USH2A: variants seen among roughly 807,000 people sequenced by gnomAD.
The protein encoded by USH2A is Usher syndrome 2A (autosomal recessive, mild).
In USH2A, 443 loss-of-function variants were observed where a neutral mutation model predicts 538.9. That is an observed-to-expected ratio of 0.82 (90% CI 0.76 to 0.89). USH2A has a LOEUF of 0.89. Among genes scored for constraint, USH2A ranks in the 40% least tolerant of loss-of-function variants. USH2A has a pLI of 0.00. For synonymous variants in USH2A, 2,413 were observed against 2,273.5 expected (o/e 1.06, Z -1.75); for missense variants, 6,633 against 6,324.8 (o/e 1.05, Z -1.65).
intron 38 of USH2A, among the ~76,000 whole-genome samples, chr1:215,904,371 G>T (rs1486547715): frequency 6.6e-6 from 1 of 151,946 alleles, no homozygotes; most frequent in African/African-American, 2.4e-5. Flanking sequence ...CACTAAATTG[G>T]TACACTTTGA....
intron 24 of USH2A, 128 bp from the exon 25 acceptor site, chr1:216,085,005 T>C: frequency 1.2e-6 from 1 of 846,058 alleles, no homozygotes; most frequent in Non-Finnish European, 1.9e-6. Flanking sequence ...GCAAGCCTCT[T>C]AATGATTCAT....
At position 216,247,361 on chromosome 1, in the gene USH2A, G is replaced by A. The variant is rs2036073267; in HGVS notation, c.2168-135C>T. ...TTTTCTCACAAGCAATGCCATAGGG[G>A]GCCAATCTTACTCTCAAAATTCAAT... On this transcript the variant is annotated intron_variant, in intron 12 of 71. Transcript: ENST00000307340. The A allele has an allele frequency of 2.9e-6, 3 of 1,040,466 alleles. No homozygotes were observed. In the Admixed American group the frequency reaches 6.8e-5, roughly 24 times the overall value. The allele number at this position is 1,040,466 out of a possible 1,614,324, so 64.5% of individuals were successfully genotyped here.
At chr1:216,318,029 G>A (rs1239359426) in intron 9 of USH2A, among the ~76,000 whole-genome samples, 1 of 152,074 alleles carries the variant, frequency 6.6e-6, no homozygotes, top group Non-Finnish European at 1.5e-5. Flanking sequence ...CCTTAGGATG[G>A]CTAAATATGT....
rs2102713765 is a variant in USH2A, at chr1:215,728,331, G to T, written c.11765C>A (p.Ala3922Asp). The change falls in exon 61 of 72, where the codon GCC (alanine) becomes GAC (aspartate). Residue 3922 changes from alanine to aspartate, a missense_variant. Physicochemically the swap from Ala to Asp is moderately radical, Grantham distance 126 (BLOSUM62 -2). Coordinates refer to ENST00000307340, the MANE Select transcript of USH2A (RefSeq NM_206933.4). ...ESVLFVWSEG[A>D]LEFMDEGDTL... ...GTCTCCTTCATCCATAAATTCAAGGGCTCCTTCTGACCAGACAAATAAAAC... is the reference window on the plus strand; with the variant it reads ...GTCTCCTTCATCCATAAATTCAAGGTCTCCTTCTGACCAGACAAATAAAAC... The T allele has an allele frequency of 2.5e-6, 4 of 1,614,132 alleles. No homozygotes were observed. Among genetic ancestry groups the T allele is most frequent in the Non-Finnish European group, 1.7e-6 (2 of 1,180,024 alleles).
intron 32 of USH2A, among the ~76,000 whole-genome samples, chr1:216,030,260 T>A (rs1397841316): frequency 4.3e-5 from 6 of 138,404 alleles, no homozygotes; most frequent in Admixed American, 3.8e-4. Flanking sequence ...ATAATATATA[T>A]GATATATAGA....
chr1:216,229,570 C>T (rs114296753), intron 14 of USH2A, among the ~76,000 whole-genome samples: 166 of 152,294 alleles, frequency 1.1e-3, no homozygotes, highest in African/African-American at 3.7e-3. Flanking sequence ...TCACCTTAGC[C>T]TCCCAAAGTG....
At chr1:215,985,221 T>G (rs1194434983) in intron 35 of USH2A, among the ~76,000 whole-genome samples, 2 of 152,140 alleles carry the variant, frequency 1.3e-5, no homozygotes, top group African/African-American at 4.8e-5. Context: ...GAAAATCAAA[T>G]GAAATATCAA....
intron 61 of USH2A, among the ~76,000 whole-genome samples, chr1:215,710,656 A>G (rs2102697939): frequency 6.6e-6 from 1 of 152,234 alleles, no homozygotes; most frequent in South Asian, 2.1e-4. Context: ...AGACACTAAA[A>G]GCATCATTTC....
chr1:215,823,905 G>A (rs932463449), intron 47 of USH2A, among the ~76,000 whole-genome samples: 1 of 151,738 alleles, frequency 6.6e-6, no homozygotes, highest in Non-Finnish European at 1.5e-5. Flanking sequence ...TAATCTCTTT[G>A]TTAAATCTGT....
rs926337280 is a variant in USH2A, at chr1:215,798,652, G to A, written c.9958+255C>T. 1.2e-4 allele frequency among the ~76,000 whole-genome samples: 19 copies of A among 152,204 alleles called. No individual in the cohort carries two copies. In the South Asian group the frequency reaches 1.9e-3, roughly 15 times the overall value. ...TTTCATTCATAACCAATGCATTCAT[G>A]TGTGGAATTTTTTTTGGAGGACATG... On this transcript the variant is annotated intron_variant, in intron 50 of 71. Coordinates refer to ENST00000307340, the MANE Select transcript of USH2A (RefSeq NM_206933.4).
chr1:215,809,171 A>G (rs1167626014), intron 49 of USH2A, among the ~76,000 whole-genome samples: 1 of 152,182 alleles, frequency 6.6e-6, no homozygotes, highest in Non-Finnish European at 1.5e-5. Flanking sequence ...TCTGAAATGT[A>G]GTTGCCATAT....
chr1:215,996,830 A>G (rs920006519), intron 34 of USH2A, among the ~76,000 whole-genome samples: 1 of 152,064 alleles, frequency 6.6e-6, no homozygotes, highest in Admixed American at 6.6e-5. Context: ...ATCCAGTCAA[A>G]TGTGAAAACT....
intron 30 of USH2A, among the ~76,000 whole-genome samples, chr1:216,049,762 G>T (rs2030676353): frequency 6.6e-6 from 1 of 152,088 alleles, no homozygotes; most frequent in Admixed American, 6.5e-5. Context: ...ATGGAGCAAA[G>T]ACCAGTTCTT....
rs1178891760 is a variant in USH2A at position 216,325,370 on chromosome 1, T to C, written c.1078A>G (p.Thr360Ala). The C allele has an allele frequency of 6.2e-7, 1 of 1,613,934 alleles. No homozygotes were observed. The highest frequency in any genetic ancestry group is 1.1e-5 in the South Asian group (1 of 91,080). ...VGTSWVSNVFTNITQLNQGVT... is the reference protein window; with the variant it reads ...VGTSWVSNVFANITQLNQGVT... ...CCTTGATTAAGCTGTGTAATGTTTGTAAACACATTTGAAACCCATGAAGTA... is the reference window on the plus strand; with the variant it reads ...CCTTGATTAAGCTGTGTAATGTTTGCAAACACATTTGAAACCCATGAAGTA... The change falls in exon 6 of 72, where the codon ACA (threonine) becomes GCA (alanine). Residue 360 changes from threonine to alanine, a missense_variant. By Grantham distance (58) the Thr-to-Ala change is moderately conservative (BLOSUM62 0). Coordinates refer to ENST00000307340, the MANE Select transcript of USH2A (RefSeq NM_206933.4).
At chr1:215,796,864 C>T (rs11120634) in intron 50 of USH2A, among the ~76,000 whole-genome samples, 101,989 of 152,036 alleles carry the variant, frequency 0.67, 34,311 homozygotes, top group Admixed American at 0.71. Flanking sequence ...GCTCCTCTTC[C>T]TCCCACACCT....
At chr1:215,832,711 T>C (rs1663359374) in intron 47 of USH2A, among the ~76,000 whole-genome samples, 1 of 151,914 alleles carries the variant, frequency 6.6e-6, no homozygotes, top group Non-Finnish European at 1.5e-5. Context: ...GATATGCTCT[T>C]ATCACGTTAT....
At chr1:215,673,010 A>G (rs942949382) in intron 63 of USH2A, among the ~76,000 whole-genome samples, 80 of 152,356 alleles carry the variant, frequency 5.3e-4, no homozygotes, top group African/African-American at 1.8e-3. Context: ...AGGTACAGTC[A>G]GGTAAAGAGG....
intron 32 of USH2A, among the ~76,000 whole-genome samples, chr1:216,018,202 G>A (rs950683143): frequency 1.3e-5 from 2 of 152,148 alleles, no homozygotes; most frequent in African/African-American, 4.8e-5. Context: ...ATCATTTGGG[G>A]TCCTCCTGAC....
At chr1:215,789,601 T>A (rs779729206) in intron 51 of USH2A, among the ~76,000 whole-genome samples, 1 of 152,156 alleles carries the variant, frequency 6.6e-6, no homozygotes, top group Non-Finnish European at 1.5e-5. Context: ...TCTTGCATTG[T>A]CCAAGGGAAT....
Sources: gnomAD v4.1 joint callset for allele counts (sites outside exome capture counted in the v4.1 genomes callset) on GRCh38, gnomAD v4.1.1 for gene constraint, MANE v1.5 for transcripts, NCBI Gene and HGNC (gene_info 2026-07-23, HGNC 2026-07-21) for gene names.